Variants in NLGN1 observed in about 807,000 individuals in gnomAD.
NLGN1 encodes the protein neuroligin-1.
NLGN1 carries 12 observed loss-of-function variants against 65.5 expected under a neutral mutation model. That is an observed-to-expected ratio of 0.18 (90% CI 0.12 to 0.30). The LOEUF (loss-of-function observed/expected upper bound fraction) is 0.30, where lower values mean the gene tolerates loss of function less well. Ranked by LOEUF, NLGN1 falls within the 10% of genes least tolerant of loss-of-function variation. The pLI, the probability that NLGN1 is intolerant of heterozygous loss-of-function variation, is 1.00. For missense variants in NLGN1, 750 were observed against 1,007.1 expected, an observed-to-expected ratio of 0.74 and a Z score of 3.46; for synonymous variants, 350 against 359.5, an observed-to-expected ratio of 0.97 and a Z score of 0.30.
intron 3 of NLGN1, among the ~76,000 whole-genome samples, chr3:173,658,259 T>TA (rs1358103403): frequency 3.3e-5 from 5 of 152,004 alleles, no homozygotes; most frequent in African/African-American, 1.2e-4. Flanking sequence ...GGTCTGTTGC[T>TA]ACCAGGTATG....
intron 4 of NLGN1, among the ~76,000 whole-genome samples, chr3:174,109,822 T>C (rs1461031254): frequency 6.6e-6 from 1 of 152,092 alleles, no homozygotes; most frequent in East Asian, 1.9e-4. Context: ...CACTTGAAAT[T>C]TAAATTTGGA....
At chr3:173,402,939 T>G (rs1236791697) in intron 1 of NLGN1, among the ~76,000 whole-genome samples, 1 of 152,090 alleles carries the variant, frequency 6.6e-6, no homozygotes, top group Non-Finnish European at 1.5e-5. Flanking sequence ...ACACAAAAAA[T>G]CAGAGCTCTG....
chr3:173,577,085 A>G (rs900200271), intron 2 of NLGN1, among the ~76,000 whole-genome samples: 4 of 152,140 alleles, frequency 2.6e-5, no homozygotes, highest in African/African-American at 7.2e-5. Context: ...CTATGAAGGA[A>G]CTTTAAAACT....
intron 4 of NLGN1, among the ~76,000 whole-genome samples, chr3:174,129,419 G>GT (rs1719697959): frequency 7.6e-6 from 1 of 132,422 alleles, no homozygotes; most frequent in South Asian, 2.6e-4. Flanking sequence ...TCATTCTACA[G>GT]TATCTAGGAA....
At chr3:174,057,245 T>C (rs1423032089) in intron 4 of NLGN1, among the ~76,000 whole-genome samples, 1 of 152,072 alleles carries the variant, frequency 6.6e-6, no homozygotes, top group African/African-American at 2.4e-5. Flanking sequence ...GGCATCCATG[T>C]GACACGGTAC....
At chr3:173,923,606 G>C (rs949516259) in intron 4 of NLGN1, among the ~76,000 whole-genome samples, 10 of 152,064 alleles carry the variant, frequency 6.6e-5, no homozygotes, top group Non-Finnish European at 1.3e-4. Flanking sequence ...AGAGTTACCT[G>C]AATGATGTAT....
Position 174,108,468 on chromosome 3 carries a change from C to T in NLGN1, c.647-166847C>T, listed in dbSNP as rs1042131625. On this transcript the variant is annotated intron_variant, in intron 4 of 6. Transcript: ENST00000457714. ...TATATGAGGCATAAAGAAAACACAG[C>T]ACACTCGCCATTGTTAGAAAAAGCT... 2.6e-5 allele frequency among the ~76,000 whole-genome samples: 4 copies of T among 151,926 alleles called. No individual in the cohort carries two copies. In the East Asian group the frequency reaches 7.7e-4, roughly 29 times the overall value.
At chr3:173,432,039 A>T (rs999092628) in intron 1 of NLGN1, among the ~76,000 whole-genome samples, 1 of 152,162 alleles carries the variant, frequency 6.6e-6, no homozygotes, top group African/African-American at 2.4e-5. Flanking sequence ...AGGTTCCTCC[A>T]TGTCTTTTCA....
intron 4 of NLGN1, among the ~76,000 whole-genome samples, chr3:174,090,159 A>C (rs1480633635): frequency 1.3e-5 from 2 of 152,214 alleles, no homozygotes; most frequent in East Asian, 3.9e-4. Flanking sequence ...TAGAATTTTA[A>C]ATAGAAAAAA....
At chr3:173,645,660 T>C (rs1330865751) in intron 3 of NLGN1, among the ~76,000 whole-genome samples, 1 of 152,172 alleles carries the variant, frequency 6.6e-6, no homozygotes, top group Admixed American at 6.5e-5. Context: ...TCACTTAGGC[T>C]CTAACTGGTT....
chr3:173,883,046 C>G (rs1347567331), intron 4 of NLGN1, among the ~76,000 whole-genome samples: 3 of 147,950 alleles, frequency 2.0e-5, no homozygotes, highest in Non-Finnish European at 4.4e-5. Flanking sequence ...CTTCCAATTT[C>G]CTTCAAGAAC....
intron 3 of NLGN1, among the ~76,000 whole-genome samples, chr3:173,696,452 A>G (rs1006386909): frequency 2.6e-5 from 4 of 152,170 alleles, no homozygotes; most frequent in African/African-American, 9.6e-5. Context: ...TAAACCTTGA[A>G]AAGGGACTAT....
At chr3:173,918,648 AAAG>A (rs1183600622) in intron 4 of NLGN1, among the ~76,000 whole-genome samples, 2 of 125,794 alleles carry the variant, frequency 1.6e-5, no homozygotes, top group Non-Finnish European at 3.3e-5. Flanking sequence ...AAAAAAAAAA[AAAG>A]AAATACATAT....
rs372520406 is a variant in NLGN1 at position 173,688,476 on chromosome 3, G to A, written c.493+83385G>A. Among the ~76,000 whole-genome samples the A allele has an allele frequency of 1.9e-3, 283 of 152,232 alleles. 10 individuals carry two copies. In the South Asian group the frequency reaches 0.054, roughly 29 times the overall value. ...GTGCTGTGTGCTTGGGCAGTGGAGAGCGACTAAAAAGGTCATTCACATTTT... is the reference window on the plus strand; with the variant it reads ...GTGCTGTGTGCTTGGGCAGTGGAGAACGACTAAAAAGGTCATTCACATTTT... On this transcript the variant is annotated intron_variant, in intron 3 of 6. Transcript: ENST00000457714.
At chr3:173,427,833 T>TCTGGA (rs1716410911) in intron 1 of NLGN1, among the ~76,000 whole-genome samples, 1 of 151,316 alleles carries the variant, frequency 6.6e-6, no homozygotes, top group South Asian at 2.1e-4. Flanking sequence ...GTCTTTTTGG[T>TCTGGA]CTGGAAACTC....
chr3:174,104,666 C>T (rs907242775), intron 4 of NLGN1, among the ~76,000 whole-genome samples: 2 of 152,084 alleles, frequency 1.3e-5, no homozygotes, highest in African/African-American at 4.8e-5. Context: ...ATTGTTCTAA[C>T]TCGAGACAAA....
At chr3:173,471,018 AC>A (rs1418549960) in intron 2 of NLGN1, among the ~76,000 whole-genome samples, 1 of 152,114 alleles carries the variant, frequency 6.6e-6, no homozygotes, top group Non-Finnish European at 1.5e-5. Context: ...GAATGAGCAA[AC>A]AAAAATTCTA....
At chr3:174,242,845 C>A (rs948169921) in intron 4 of NLGN1, among the ~76,000 whole-genome samples, 1 of 151,858 alleles carries the variant, frequency 6.6e-6, no homozygotes, top group African/African-American at 2.4e-5. Context: ...AAAACTGGTC[C>A]CCAGTGCCAA....
intron 3 of NLGN1, among the ~76,000 whole-genome samples, chr3:173,649,694 G>C (rs533510509): frequency 4.0e-4 from 61 of 152,070 alleles, no homozygotes; most frequent in African/African-American, 1.4e-3. Context: ...CACAGACCTA[G>C]AGAGAAAGAG....
Sources: gnomAD v4.1 joint callset for allele counts (sites outside exome capture counted in the v4.1 genomes callset) on GRCh38, gnomAD v4.1.1 for gene constraint, MANE v1.5 for transcripts, NCBI Gene and HGNC (gene_info 2026-07-23, HGNC 2026-07-21) for gene names.